SPECC1: variants seen among roughly 807,000 people sequenced by gnomAD.
SPECC1 encodes cytospin-B.
Under a neutral mutation model 104.1 loss-of-function variants are expected in SPECC1, and 62 were observed. That is an observed-to-expected ratio of 0.60 (90% CI 0.49 to 0.74). The LOEUF (loss-of-function observed/expected upper bound fraction) is 0.74. Ranked by LOEUF, SPECC1 falls within the 30% of genes least tolerant of loss-of-function variation. SPECC1 has a pLI of 0.00. For synonymous variants in SPECC1, 513 were observed against 501.6 expected (o/e 1.02, Z -0.30); for missense variants, 1,306 against 1,310.5 (o/e 1.00, Z 0.05).
intron 12 of SPECC1, among the ~76,000 whole-genome samples, chr17:20,270,735 G>A (rs2040381617): frequency 6.6e-6 from 1 of 152,080 alleles, no homozygotes; most frequent in African/African-American, 2.4e-5. Flanking sequence ...GTTCCTAGAA[G>A]TGAATTTGTT....
At position 20,068,009 on chromosome 17, in the gene SPECC1, C is replaced by T. The variant is rs115264060; in HGVS notation, c.-21-28622C>T. Among the ~76,000 whole-genome samples the T allele has an allele frequency of 3.1e-3, 478 of 151,876 alleles. 5 individuals carry two copies. The highest frequency in any genetic ancestry group is 0.011 in the African/African-American group (445 of 41,430). ...TTCTCTTTTTTTTTTGAGACAGGTT[C>T]TTGCTCTGTCACCCAGGCTGGAGTG... On this transcript the variant is annotated intron_variant, in intron 1 of 14. Transcript: ENST00000395527.
chr17:20,186,945 A>G (rs975522035), intron 3 of SPECC1, among the ~76,000 whole-genome samples: 12 of 152,212 alleles, frequency 7.9e-5, no homozygotes, highest in East Asian at 7.7e-4. Context: ...TTTGTTTTCA[A>G]CTGGCACACT....
intron 1 of SPECC1, among the ~76,000 whole-genome samples, chr17:20,044,924 G>A (rs559450147): frequency 6.6e-6 from 1 of 152,354 alleles, no homozygotes; most frequent in South Asian, 2.1e-4. Flanking sequence ...GCACATGCGT[G>A]CATGTGTGCT....
intron 1 of SPECC1, among the ~76,000 whole-genome samples, chr17:20,046,638 C>T (rs974231655): frequency 6.6e-6 from 1 of 151,984 alleles, no homozygotes. Context: ...TCCATGGGGT[C>T]AAGGGGAGTA....
At position 20,152,825 on chromosome 17, in the gene SPECC1, G is replaced by A. The variant is rs528908455; in HGVS notation, c.283+42263G>A. Among the ~76,000 whole-genome samples the A allele has an allele frequency of 2.4e-3, 369 of 152,188 alleles. 1 individual carries two copies. Among genetic ancestry groups the A allele is most frequent in the African/African-American group, 8.6e-3 (356 of 41,528 alleles). On this transcript the variant is annotated intron_variant, in intron 3 of 14. Coordinates refer to ENST00000395527, the MANE Select transcript of SPECC1 (RefSeq NM_001243439.2). Reference sequence around the variant, plus strand: ...TGGGACTAGAGGCACGTGCCACCACGCCTAGCTAATTTTTGTATTTTTGGT... The same window carrying A: ...TGGGACTAGAGGCACGTGCCACCACACCTAGCTAATTTTTGTATTTTTGGT...
chr17:20,091,805 GCCCTCT>G (rs2047413802), intron 1 of SPECC1, among the ~76,000 whole-genome samples: 1 of 152,118 alleles, frequency 6.6e-6, no homozygotes, highest in South Asian at 2.1e-4. Context: ...AGCCCTGAGT[GCCCTCT>G]CCCACTCCTG....
chr17:20,111,815 G>C lies in SPECC1; in HGVS notation c.283+1253G>C, dbSNP rs540969615. 54 of 832,072 alleles carry C rather than the reference G, an allele frequency of 6.5e-5. 1 individual carries two copies. The East Asian group carries it at 1.1e-3, about 16-fold the overall frequency. 51.5% of individuals were successfully genotyped at this position (832,072 alleles called of 1,614,324 possible). ...TGGCTCACTCAGGACCCAGGGGGGG[G>C]GCAGCGCGATGAGGTGGGTGGCCCT... On this transcript the variant is annotated intron_variant, in intron 3 of 14. Transcript: ENST00000395527.
intron 1 of SPECC1, among the ~76,000 whole-genome samples, chr17:20,080,887 G>T (rs1403027284): frequency 6.6e-6 from 1 of 152,112 alleles, no homozygotes; most frequent in African/African-American, 2.4e-5. Flanking sequence ...GCAGGGGGGG[G>T]TGGTCACTGG....
Position 20,302,081 on chromosome 17 carries a change from A to G in SPECC1, c.3058-3942A>G, listed in dbSNP as rs148514014. Among the ~76,000 whole-genome samples, 866 of 152,354 alleles carry G rather than the reference A, an allele frequency of 5.7e-3. 9 individuals are homozygous for G. Among genetic ancestry groups the G allele is most frequent in the African/African-American group, 0.019 (798 of 41,586 alleles). On this transcript the variant is annotated intron_variant, in intron 13 of 14. Transcript: ENST00000395527. ...GCCTTTGCAACTCTCTGCTTAGTCCAGACGGACTCAGGTAGTGGACTGGAC... is the reference window on the plus strand; with the variant it reads ...GCCTTTGCAACTCTCTGCTTAGTCCGGACGGACTCAGGTAGTGGACTGGAC...
chr17:20,265,961 T>C (rs1299476783), intron 12 of SPECC1, among the ~76,000 whole-genome samples: 1 of 152,212 alleles, frequency 6.6e-6, no homozygotes. Flanking sequence ...AGTGCCATGC[T>C]GTTTTGGTTA....
chr17:20,162,403 C>A (rs1008218035), intron 3 of SPECC1, among the ~76,000 whole-genome samples: 1 of 152,118 alleles, frequency 6.6e-6, no homozygotes, highest in African/African-American at 2.4e-5. Context: ...ACCTTGGACC[C>A]CCAAAGTGCT....
chr17:20,301,094 G>A (rs1040050015), intron 13 of SPECC1, among the ~76,000 whole-genome samples: 15 of 152,184 alleles, frequency 9.9e-5, no homozygotes, highest in Non-Finnish European at 1.5e-5. Context: ...CTTGGTGTGT[G>A]GCTTGCCCTG....
intron 12 of SPECC1, 92 bp downstream of exon 12, chr17:20,260,386 C>A: frequency 3.0e-6 from 3 of 1,016,438 alleles, no homozygotes; most frequent in Non-Finnish European, 4.4e-6. Flanking sequence ...GCTTGATGGG[C>A]CAATATGCAT....
chr17:20,086,509 A>T (rs934776514), intron 1 of SPECC1, among the ~76,000 whole-genome samples: 12 of 152,102 alleles, frequency 7.9e-5, no homozygotes, highest in African/African-American at 2.7e-4. Flanking sequence ...GACTTATGAG[A>T]TCACCCTCTG....
chr17:20,121,907 T>C, intron 3 of SPECC1, among the ~76,000 whole-genome samples: 1 of 152,272 alleles, frequency 6.6e-6, no homozygotes, highest in East Asian at 1.9e-4. Context: ...CTTGTATTTA[T>C]TGATTAATTC....
chr17:20,157,649 C>G (rs909996300), intron 3 of SPECC1, among the ~76,000 whole-genome samples: 3 of 152,234 alleles, frequency 2.0e-5, no homozygotes, highest in African/African-American at 7.2e-5. Context: ...CTTGTTACAG[C>G]TTTTAAGACT....
chr17:20,298,948 A>AGAGAGAGAGAGAGAGAGAGAGAGAGC, intron 13 of SPECC1, among the ~76,000 whole-genome samples: 1 of 49,072 alleles, frequency 2.0e-5, no homozygotes, highest in Admixed American at 2.1e-4. Context: ...AGAGAGAGAG[A>AGAGAGAGAGAGAGAGAGAGAGAGAGC]GTGTGTGTGT....
intron 7 of SPECC1, among the ~76,000 whole-genome samples, chr17:20,234,341 C>G (rs1178942757): frequency 6.6e-6 from 1 of 152,176 alleles, no homozygotes. Flanking sequence ...TCTGTCAGTG[C>G]ATTTGGCAGG....
intron 4 of SPECC1, among the ~76,000 whole-genome samples, chr17:20,215,535 C>G (rs2037432243): frequency 6.6e-6 from 1 of 152,168 alleles, no homozygotes; most frequent in African/African-American, 2.4e-5. Context: ...GGAATTTACT[C>G]AGAACTTATT....
Sources: gnomAD v4.1 joint callset for allele counts (sites outside exome capture counted in the v4.1 genomes callset) on GRCh38, gnomAD v4.1.1 for gene constraint, MANE v1.5 for transcripts, NCBI Gene and HGNC (gene_info 2026-07-23, HGNC 2026-07-21) for gene names.